Variants in GALNT18 observed in about 807,000 individuals in gnomAD.
GALNT18 encodes polypeptide N-acetylgalactosaminyltransferase 18.
A neutral mutation model predicts 69.5 loss-of-function variants in GALNT18; 44 were observed. That is an observed-to-expected ratio of 0.63 (90% confidence interval 0.50 to 0.81). The LOEUF (loss-of-function observed/expected upper bound fraction) is 0.81, where lower values mean the gene tolerates loss of function less well. Ranked by LOEUF, GALNT18 falls within the 40% of genes least tolerant of loss-of-function variation. The pLI, the probability that GALNT18 is intolerant of heterozygous loss-of-function variation, is 0.00. For synonymous variants in GALNT18, 364 were observed against 318.2 expected (o/e 1.14, Z -1.53); for missense variants, 715 against 810.0 (o/e 0.88, Z 1.42).
intron 3 of GALNT18, among the ~76,000 whole-genome samples, chr11:11,418,007 C>T (rs1407267921): frequency 6.6e-6 from 1 of 152,196 alleles, no homozygotes; most frequent in Non-Finnish European, 1.5e-5. Flanking sequence ...AGCCTGAAGG[C>T]GGGGTGTATA....
intron 1 of GALNT18, among the ~76,000 whole-genome samples, chr11:11,477,622 C>G (rs59290356): frequency 1.1e-3 from 165 of 152,268 alleles, no homozygotes; most frequent in Middle Eastern, 6.8e-3. Flanking sequence ...GACTACAGAT[C>G]CTCTAGTAGA....
At chr11:11,472,231 G>A (rs11021870) in intron 1 of GALNT18, among the ~76,000 whole-genome samples, 3,386 of 152,326 alleles carry the variant, frequency 0.022, 48 homozygotes, top group Non-Finnish European at 0.035. Flanking sequence ...AGCAGAAAGA[G>A]GGATTTGCAG....
chr11:11,345,911 G>T (rs1022393159), intron 6 of GALNT18, among the ~76,000 whole-genome samples: 1 of 152,166 alleles, frequency 6.6e-6, no homozygotes, highest in Non-Finnish European at 1.5e-5. Flanking sequence ...AGTCCTGCAG[G>T]CACTGGGCAT....
chr11:11,416,999 G>T (rs988074472), intron 3 of GALNT18, among the ~76,000 whole-genome samples: 2 of 152,216 alleles, frequency 1.3e-5, no homozygotes, highest in African/African-American at 4.8e-5. Flanking sequence ...CTCCTCTGCA[G>T]CCTGGTCGGC....
At chr11:11,544,674 G>C (rs112470443) in intron 1 of GALNT18, among the ~76,000 whole-genome samples, 2 of 152,106 alleles carry the variant, frequency 1.3e-5, no homozygotes, top group Non-Finnish European at 2.9e-5. Context: ...TTTAAGCCTC[G>C]CATGCATTAG....
chr11:11,439,610 C>T lies in GALNT18; in HGVS notation c.429-6823G>A, dbSNP rs1424172620. 6.6e-6 allele frequency among the ~76,000 whole-genome samples: 1 copy of T among 152,166 alleles called. No homozygotes were observed. The highest frequency in any genetic ancestry group is 1.5e-5 in the Non-Finnish European group (1 of 68,040). On this transcript the variant is annotated intron_variant, in intron 2 of 10. Transcript: ENST00000227756. This position sits in a 1 kb window ranked among gnomAD's most constrained non-coding sequence, Gnocchi z 4.4. ...TGTCTCCACTAGACTATAAGCTGTA[C>T]AAGGTTAGGGCCGTGTCTGCTTTGC...
intron 2 of GALNT18, among the ~76,000 whole-genome samples, chr11:11,437,444 G>C (rs1029137584): frequency 1.3e-5 from 2 of 152,158 alleles, no homozygotes; most frequent in Non-Finnish European, 2.9e-5. Flanking sequence ...GAGATGCAGG[G>C]ATGGGGAGCA....
At chr11:11,362,374 A>T (rs553355196) in intron 6 of GALNT18, among the ~76,000 whole-genome samples, 1 of 152,308 alleles carries the variant, frequency 6.6e-6, no homozygotes, top group Non-Finnish European at 1.5e-5. Context: ...AAACAAACAA[A>T]CAAACAAACA....
intron 7 of GALNT18, among the ~76,000 whole-genome samples, chr11:11,333,181 T>C (rs1021150589): frequency 6.6e-6 from 1 of 151,226 alleles, no homozygotes; most frequent in Non-Finnish European, 1.5e-5. Context: ...AGAGGCAAGA[T>C]GAGAGATTCT....
intron 9 of GALNT18, among the ~76,000 whole-genome samples, chr11:11,305,249 T>C (rs1205081979): frequency 6.6e-6 from 1 of 152,186 alleles, no homozygotes; most frequent in Non-Finnish European, 1.5e-5. Context: ...TGTGCCTTTT[T>C]AGTATCAGCT....
chr11:11,316,444 C>T (rs781727243), intron 9 of GALNT18, among the ~76,000 whole-genome samples: 41 of 152,152 alleles, frequency 2.7e-4, no homozygotes, highest in Non-Finnish European at 1.0e-4. Context: ...AATGCCCCTG[C>T]GGACACTGGG....
intron 10 of GALNT18, among the ~76,000 whole-genome samples, chr11:11,276,460 C>T (rs903356149): frequency 6.6e-6 from 1 of 152,168 alleles, no homozygotes; most frequent in Admixed American, 6.5e-5. Flanking sequence ...AATATACAAT[C>T]ATGTCATCTG....
At position 11,421,427 on chromosome 11, in the gene GALNT18, G is replaced by A. The variant is rs1332710113; in HGVS notation, c.595+11194C>T. On this transcript the variant is annotated intron_variant, in intron 3 of 10. Transcript: ENST00000227756. The surrounding 1 kb of genome is among the most constrained non-coding windows in gnomAD (Gnocchi z 5.6). ...CATGATGTAGGAAGCCAGGTGGATC[G>A]AACCGTGGAAGCAGAGCCCCAGTTT... Among the ~76,000 whole-genome samples, 2 of 152,126 alleles carry A rather than the reference G, an allele frequency of 1.3e-5. No individual in the cohort carries two copies. The highest frequency in any genetic ancestry group is 2.9e-5 in the Non-Finnish European group (2 of 68,014).
At chr11:11,464,671 A>G (rs931311084) in intron 1 of GALNT18, among the ~76,000 whole-genome samples, 4 of 152,232 alleles carry the variant, frequency 2.6e-5, no homozygotes, top group Admixed American at 6.5e-5. Context: ...ATTAATATGC[A>G]TCAAGATACA....
chr11:11,491,933 CA>C (rs1282288200), intron 1 of GALNT18, among the ~76,000 whole-genome samples: 2 of 152,140 alleles, frequency 1.3e-5, no homozygotes, highest in African/African-American at 2.4e-5. Context: ...TTCAGATGGA[CA>C]AAATCAGTAA....
rs2133952604 is a variant in GALNT18 at position 11,605,457 on chromosome 11, C to G, written c.235+15902G>C. Among the ~76,000 whole-genome samples, 1 of 152,350 alleles carries G rather than the reference C, an allele frequency of 6.6e-6. No individual in the cohort carries two copies. The highest frequency in any genetic ancestry group is 2.1e-4 in the South Asian group (1 of 4,830). On this transcript the variant is annotated intron_variant, in intron 1 of 10. Coordinates refer to ENST00000227756, the MANE Select transcript of GALNT18 (RefSeq NM_198516.3). The surrounding 1 kb of genome is among the most constrained non-coding windows in gnomAD (Gnocchi z 4.7). ...TGCCAGGCCGCCAGTCACCGCCACC[C>G]TGAAGACACAGGTGGTGGAGTCCAT...
chr11:11,308,555 C>G (rs1278837984), intron 9 of GALNT18, among the ~76,000 whole-genome samples: 1 of 152,080 alleles, frequency 6.6e-6, no homozygotes, highest in Admixed American at 6.5e-5. Context: ...TCCCACCAAA[C>G]AAGGCTCTTC....
chr11:11,434,507 A>G (rs936391956), intron 2 of GALNT18, among the ~76,000 whole-genome samples: 9 of 152,246 alleles, frequency 5.9e-5, no homozygotes, highest in South Asian at 4.1e-4. Context: ...ACAATTTCAT[A>G]TAAGTGCTAA....
At chr11:11,567,333 A>G (rs1858678508) in intron 1 of GALNT18, among the ~76,000 whole-genome samples, 1 of 152,190 alleles carries the variant, frequency 6.6e-6, no homozygotes, top group Non-Finnish European at 1.5e-5. Context: ...AATCAATACC[A>G]TCAAAAATAC....
Sources: gnomAD v4.1 joint callset for allele counts (sites outside exome capture counted in the v4.1 genomes callset) on GRCh38, gnomAD v4.1.1 for gene constraint, Gnocchi (gnomAD v3.1) non-coding constraint, MANE v1.5 for transcripts, NCBI Gene and HGNC (gene_info 2026-07-23, HGNC 2026-07-21) for gene names.